Variants in IQCJ observed in about 807,000 individuals in gnomAD.
The protein encoded by IQCJ is IQ motif containing J.
A neutral mutation model predicts 11.0 loss-of-function variants in IQCJ; 9 were observed. The ratio of observed to expected loss-of-function variants is 0.82; its 90% CI spans 0.49 to 1.43. The LOEUF is 1.43. Among genes scored for constraint, IQCJ ranks in the 40% most tolerant of loss-of-function variants. The pLI, the probability that IQCJ is intolerant of heterozygous loss-of-function variation, is 0.00. For synonymous variants in IQCJ, 55 were observed against 51.3 expected, an observed-to-expected ratio of 1.07 and a Z score of -0.31; for missense variants, 146 against 133.2, an observed-to-expected ratio of 1.10 and a Z score of -0.47.
At chr3:159,212,563 G>T (rs1431336953) in intron 1 of IQCJ, among the ~76,000 whole-genome samples, 1 of 152,084 alleles carries the variant, frequency 6.6e-6, no homozygotes, top group East Asian at 1.9e-4. Context: ...CTCCAATAAG[G>T]CCCTGTGTAT....
chr3:159,165,339 T>A (rs1270965814), intron 1 of IQCJ, among the ~76,000 whole-genome samples: 1 of 152,162 alleles, frequency 6.6e-6, no homozygotes, highest in Non-Finnish European at 1.5e-5. Flanking sequence ...GCACATCATG[T>A]TAACAGGGTC....
intron 1 of IQCJ, among the ~76,000 whole-genome samples, chr3:159,241,044 G>A (rs1447974105): frequency 6.6e-6 from 1 of 152,052 alleles, no homozygotes; most frequent in East Asian, 1.9e-4. Context: ...TAACTTCTCA[G>A]GATTCTTTTA....
intron 1 of IQCJ, among the ~76,000 whole-genome samples, chr3:159,182,556 C>G (rs4396938): frequency 0.22 from 33,811 of 151,848 alleles, 4,644 homozygotes; most frequent in South Asian, 0.38. Flanking sequence ...GCCGAGCTCC[C>G]CGAGTGAGCA....
At position 159,088,184 on chromosome 3, in the gene IQCJ, A is replaced by G. The variant is rs1221516893; in HGVS notation, c.9+18743A>G. 2.5e-3 allele frequency among the ~76,000 whole-genome samples: 381 copies of G among 152,160 alleles called. 2 individuals are homozygous for G. The highest frequency in any genetic ancestry group is 8.6e-3 in the African/African-American group (356 of 41,502). On this transcript the variant is annotated intron_variant, in intron 1 of 3. Transcript: ENST00000397832. ...CCTTCATTTCCTTATGTACCCAGTA[A>G]TCATTCAGGAGCAGGTTGTTCAGTT...
chr3:159,198,054 AC>A (rs910651310), intron 1 of IQCJ, among the ~76,000 whole-genome samples: 18 of 152,086 alleles, frequency 1.2e-4, no homozygotes, highest in African/African-American at 4.1e-4. Flanking sequence ...AATTATAAAT[AC>A]CCTGAGGCCA....
intron 3 of IQCJ, among the ~76,000 whole-genome samples, chr3:159,257,101 T>C (rs888516769): frequency 6.6e-6 from 1 of 152,232 alleles, no homozygotes; most frequent in African/African-American, 2.4e-5. Flanking sequence ...CTTTGAGCTA[T>C]TTCTGGGATG....
At chr3:159,121,606 G>C (rs1205941718) in intron 1 of IQCJ, among the ~76,000 whole-genome samples, 1 of 152,124 alleles carries the variant, frequency 6.6e-6, no homozygotes. Flanking sequence ...TTGGCTGCTG[G>C]GATCTTTTAT....
chr3:159,128,267 G>A (rs902119510), intron 1 of IQCJ, among the ~76,000 whole-genome samples: 4 of 152,162 alleles, frequency 2.6e-5, no homozygotes, highest in African/African-American at 7.2e-5. Flanking sequence ...TTTCAAGTAC[G>A]TTCTAGGGCT....
At chr3:159,206,795 C>T (rs550839141) in intron 1 of IQCJ, among the ~76,000 whole-genome samples, 8 of 152,224 alleles carry the variant, frequency 5.3e-5, no homozygotes, top group African/African-American at 1.9e-4. Context: ...TTGCTAGCAA[C>T]CAAAGAACTC....
chr3:159,161,374 GTTGT>G, intron 1 of IQCJ, among the ~76,000 whole-genome samples: 1 of 152,218 alleles, frequency 6.6e-6, no homozygotes, highest in East Asian at 1.9e-4. Flanking sequence ...TTTTGATGTG[GTTGT>G]TTGTTTTTTT....
At chr3:159,157,494 A>G (rs535323221) in intron 1 of IQCJ, among the ~76,000 whole-genome samples, 32 of 152,348 alleles carry the variant, frequency 2.1e-4, no homozygotes, top group African/African-American at 7.2e-4. Flanking sequence ...AAACATTTAT[A>G]TGATGAGTAG....
intron 3 of IQCJ, among the ~76,000 whole-genome samples, chr3:159,254,950 G>A (rs1001654221): frequency 1.3e-5 from 2 of 152,204 alleles, no homozygotes; most frequent in South Asian, 2.1e-4. Flanking sequence ...TGTGCCCCTT[G>A]CTCTGCGGGG....
chr3:159,095,138 C>A (rs1165595337), intron 1 of IQCJ, among the ~76,000 whole-genome samples: 3 of 151,848 alleles, frequency 2.0e-5, no homozygotes, highest in African/African-American at 7.3e-5. Context: ...CAATCAATTG[C>A]ACAATTCTTA....
intron 1 of IQCJ, among the ~76,000 whole-genome samples, chr3:159,229,951 G>A (rs1158443643): frequency 1.4e-5 from 2 of 146,042 alleles, no homozygotes; most frequent in Admixed American, 1.4e-4. Flanking sequence ...GATACAGGGG[G>A]TTCATGTGTA....
intron 1 of IQCJ, among the ~76,000 whole-genome samples, chr3:159,200,464 T>C (rs1724264239): frequency 6.6e-6 from 1 of 152,114 alleles, no homozygotes. Context: ...AGGAATTTCT[T>C]GAGCTGACTT....
intron 1 of IQCJ, among the ~76,000 whole-genome samples, chr3:159,094,067 C>A (rs1717540046): frequency 6.6e-6 from 1 of 151,830 alleles, no homozygotes; most frequent in South Asian, 2.1e-4. Flanking sequence ...GGCCTCCTGG[C>A]TCTTTGACTA....
chr3:159,136,710 A>G (rs1208137517), intron 1 of IQCJ, among the ~76,000 whole-genome samples: 2 of 152,192 alleles, frequency 1.3e-5, no homozygotes, highest in African/African-American at 2.4e-5. Context: ...TTATTGAACA[A>G]GGGCTTTGCC....
chr3:159,241,182 G>A (rs948342380), intron 1 of IQCJ, among the ~76,000 whole-genome samples: 1 of 152,004 alleles, frequency 6.6e-6, no homozygotes, highest in Non-Finnish European at 1.5e-5. Context: ...GGCCGAGGCA[G>A]GCGGATCATG....
intron 1 of IQCJ, among the ~76,000 whole-genome samples, chr3:159,161,010 A>T (rs1721818760): frequency 6.6e-6 from 1 of 152,172 alleles, no homozygotes; most frequent in Non-Finnish European, 1.5e-5. Flanking sequence ...ATGTGTCTTT[A>T]TAGCAGCATG....
Sources: gnomAD v4.1 joint callset for allele counts (sites outside exome capture counted in the v4.1 genomes callset) on GRCh38, gnomAD v4.1.1 for gene constraint, MANE v1.5 for transcripts, NCBI Gene and HGNC (gene_info 2026-07-23, HGNC 2026-07-21) for gene names.